THAP4: variants seen among roughly 807,000 people sequenced by gnomAD.
The protein encoded by THAP4 is peroxynitrite isomerase THAP4.
In THAP4, 18 loss-of-function variants were observed where a neutral mutation model predicts 48.1. The observed-to-expected ratio is 0.37, with a 90% confidence interval of 0.26 to 0.56. The LOEUF (loss-of-function observed/expected upper bound fraction) is 0.56, where lower values mean the gene tolerates loss of function less well. THAP4 is among the 20% of genes least tolerant of loss of function. The probability of loss-of-function intolerance (pLI) is 0.78; values close to 1 mark genes in which losing one functional copy is unlikely to be tolerated. For synonymous variants in THAP4, 345 were observed against 324.9 expected, an observed-to-expected ratio of 1.06 and a Z score of -0.66; for missense variants, 656 against 774.9, an observed-to-expected ratio of 0.85 and a Z score of 1.82.
At chr2:241,628,234 CCT>C (rs34808203) in intron 2 of THAP4, among the ~76,000 whole-genome samples, 17,159 of 151,874 alleles carry the variant, frequency 0.11, 1,210 homozygotes, top group East Asian at 0.16. Context: ...CTCGGCTGCC[CCT>C]CTCTCAGCGA....
At chr2:241,636,695 G>A (rs2067665546) in intron 1 of THAP4, among the ~76,000 whole-genome samples, 1 of 152,152 alleles carries the variant, frequency 6.6e-6, no homozygotes, top group East Asian at 1.9e-4. Context: ...AAGCCTAGGC[G>A]CCGGCCGGAT....
At chr2:241,635,964 G>A (rs976704034) in intron 1 of THAP4, among the ~76,000 whole-genome samples, 4 of 151,922 alleles carry the variant, frequency 2.6e-5, no homozygotes, top group African/African-American at 9.7e-5. Flanking sequence ...AACTGCAAAG[G>A]TACCCCCCCA....
At chr2:241,598,004 A>G (rs34317806) in intron 5 of THAP4, among the ~76,000 whole-genome samples, 49,846 of 151,170 alleles carry the variant, frequency 0.33, 8,591 homozygotes, top group South Asian at 0.45. Context: ...AAAAACCCTG[A>G]TAAAATAGAT....
intron 1 of THAP4, among the ~76,000 whole-genome samples, chr2:241,636,162 GACTT>G (rs1436369612): frequency 6.6e-6 from 1 of 152,186 alleles, no homozygotes; most frequent in African/African-American, 2.4e-5. Context: ...AATGATTTAA[GACTT>G]ACAGCAAACT....
At chr2:241,637,363 G>T, upstream of THAP4, 2 of 1,361,242 alleles carry the variant, frequency 1.5e-6, no homozygotes, top group Non-Finnish European at 1.9e-6. Flanking sequence ...CGTCCGTACC[G>T]CAAGATGGCT....
chr2:241,630,118 T>C (rs754779187), intron 2 of THAP4, among the ~76,000 whole-genome samples: 4 of 152,132 alleles, frequency 2.6e-5, no homozygotes, highest in African/African-American at 2.4e-5. Flanking sequence ...ACAAAAAAAT[T>C]TGCTCCCCTC....
At chr2:241,607,754 C>T (rs1013602170) in intron 2 of THAP4, among the ~76,000 whole-genome samples, 6 of 123,382 alleles carry the variant, frequency 4.9e-5, no homozygotes, top group Admixed American at 8.2e-5. Context: ...CCTCCAGGCC[C>T]GCGCAAGCAG....
In THAP4 at chr2:241,610,822, GGACAGAGACACAGA is replaced by G. The variant is rs1412674646; in HGVS notation, c.1241-4363_1241-4350del. Among the ~76,000 whole-genome samples, 1 of 151,884 alleles carries G rather than the reference GGACAGAGACACAGA, an allele frequency of 6.6e-6. No individual in the cohort carries two copies. Among genetic ancestry groups the G allele is most frequent in the African/African-American group, 2.4e-5 (1 of 41,270 alleles). On this transcript the variant is annotated intron_variant, in intron 2 of 5. Transcript: ENST00000407315. The surrounding 1 kb of genome is among the most constrained non-coding windows in gnomAD (Gnocchi z 4.2). ...CCAGGGACAGCGAGAGACGGGACGG[GGACAGAGACACAGA>G]GACAGAGAGACAGGGCCAGAGAGAC...
chr2:241,584,410 T>C lies in THAP4; in HGVS notation c.*196A>G. ...TGTACAGCCTACGCAAGTGATAATA[T>C]TCAAAATCCTCAGCCATAAAAATAA... On this transcript the variant is annotated 3_prime_UTR_variant, in exon 6 of 6. Coordinates refer to ENST00000407315, the MANE Select transcript of THAP4 (RefSeq NM_015963.6). 1.7e-6 allele frequency: 1 copy of C among 584,818 alleles called. No homozygotes were observed. Among genetic ancestry groups the C allele is most frequent in the South Asian group, 2.2e-5 (1 of 46,062 alleles). 36.2% of individuals were successfully genotyped at this position (584,818 alleles called of 1,614,324 possible).
Position 241,628,631 on chromosome 2 carries a change from C to T in THAP4, c.1240+4286G>A, listed in dbSNP as rs1441875301. Reference sequence around the variant, plus strand: ...TCTACCCTGGGACTGCCACAACAGTCACCAGCGCCCCCCTCAAAACTGTAC... The same window carrying T: ...TCTACCCTGGGACTGCCACAACAGTTACCAGCGCCCCCCTCAAAACTGTAC... On this transcript the variant is annotated intron_variant, in intron 2 of 5. Coordinates refer to ENST00000407315, the MANE Select transcript of THAP4 (RefSeq NM_015963.6). Among the ~76,000 whole-genome samples the T allele has an allele frequency of 5.9e-5, 9 of 151,596 alleles. No individual in the cohort carries two copies. In the East Asian group the frequency reaches 1.8e-3, roughly 29 times the overall value.
At chr2:241,630,256 T>C (rs1310697492) in intron 2 of THAP4, among the ~76,000 whole-genome samples, 1 of 152,002 alleles carries the variant, frequency 6.6e-6, no homozygotes, top group Non-Finnish European at 1.5e-5. Context: ...GAGAGGCAGA[T>C]CCATGGCACG....
chr2:241,591,264 C>T (rs1161707210), intron 5 of THAP4, among the ~76,000 whole-genome samples: 1 of 152,224 alleles, frequency 6.6e-6, no homozygotes, highest in African/African-American at 2.4e-5. Flanking sequence ...CTCAGAGCTG[C>T]TCGGTCTACA....
At position 241,612,330 on chromosome 2, in the gene THAP4, G is replaced by C. The variant is rs1166851745; in HGVS notation, c.1241-5857C>G. On this transcript the variant is annotated intron_variant, in intron 2 of 5. Transcript: ENST00000407315. This position sits in a 1 kb window ranked among gnomAD's most constrained non-coding sequence, Gnocchi z 4.1. ...GGAACGCCTGGCACACTGCTGATGGGGACGTGAACTGGCACAGCCTAGTGA... is the reference window on the plus strand; with the variant it reads ...GGAACGCCTGGCACACTGCTGATGGCGACGTGAACTGGCACAGCCTAGTGA... 1.3e-5 allele frequency among the ~76,000 whole-genome samples: 2 copies of C among 152,206 alleles called. No homozygotes were observed. The highest frequency in any genetic ancestry group is 2.9e-5 in the Non-Finnish European group (2 of 68,040).
intron 5 of THAP4, among the ~76,000 whole-genome samples, chr2:241,590,128 C>T (rs1203937749): frequency 6.6e-6 from 1 of 151,312 alleles, no homozygotes; most frequent in Non-Finnish European, 1.5e-5. Context: ...CACTAGGACA[C>T]TCAGAGCTGC....
At chr2:241,614,081 GA>G (rs2067310151) in intron 2 of THAP4, among the ~76,000 whole-genome samples, 3 of 151,654 alleles carry the variant, frequency 2.0e-5, no homozygotes, top group Non-Finnish European at 4.4e-5. Flanking sequence ...TTGCGCCCAG[GA>G]GGTTGAGGCT....
At chr2:241,585,912 C>CAAAAAAAAAAAAAAAAAAAA (rs1175852721) in intron 5 of THAP4, among the ~76,000 whole-genome samples, 32 of 28,230 alleles carry the variant, frequency 1.1e-3, no homozygotes, top group East Asian at 8.0e-3. Flanking sequence ...GACTCCTTCT[C>CAAAAAAAAAAAAAAAAAAAA]AAAAAAAAAA....
At chr2:241,623,116 T>C (rs969354556) in intron 2 of THAP4, among the ~76,000 whole-genome samples, 13 of 151,986 alleles carry the variant, frequency 8.6e-5, no homozygotes, top group Non-Finnish European at 1.5e-4. Flanking sequence ...CTCAGGAGGC[T>C]AAGGCCTCCT....
At chr2:241,600,151 G>A (rs1292608425) in intron 5 of THAP4, among the ~76,000 whole-genome samples, 2 of 152,092 alleles carry the variant, frequency 1.3e-5, no homozygotes, top group African/African-American at 2.4e-5. Context: ...AGCTGAGATT[G>A]TGCCACTGCA....
At chr2:241,589,582 T>G (rs80322645) in intron 5 of THAP4, among the ~76,000 whole-genome samples, 22,479 of 152,058 alleles carry the variant, frequency 0.15, 1,913 homozygotes, top group South Asian at 0.37. Context: ...GGCCAACCCT[T>G]GGCGAGGCTG....
Sources: gnomAD v4.1 joint callset for allele counts (sites outside exome capture counted in the v4.1 genomes callset) on GRCh38, gnomAD v4.1.1 for gene constraint, Gnocchi (gnomAD v3.1) non-coding constraint, MANE v1.5 for transcripts, NCBI Gene and HGNC (gene_info 2026-07-23, HGNC 2026-07-21) for gene names.